The following MATN1 variants were observed in gnomAD, a reference collection of about 807,000 sequenced individuals.
MATN1 encodes matrilin-1.
MATN1 carries 34 observed loss-of-function variants against 41.3 expected under a neutral mutation model. That is an observed-to-expected ratio of 0.82 (90% confidence interval 0.63 to 1.10). The LOEUF (loss-of-function observed/expected upper bound fraction) is 1.10. MATN1 is among the 50% of genes least tolerant of loss of function. MATN1 has a pLI of 0.00. For synonymous variants in MATN1, 264 were observed against 278.7 expected (o/e 0.95, Z 0.53); for missense variants, 602 against 662.4 (o/e 0.91, Z 1.00).
Position 30,715,217 on chromosome 1 carries a change from T to C in MATN1, c.1300A>G (p.Thr434Ala), listed in dbSNP as rs746735003. ...SEPVAEHYFY[T>A]ADFKTINQIG... ...TGGTTGATGGTCTTGAAGTCAGCCG[T>C]GTAGAAGTAGTGCTCTGCCACAGGC... The change falls in exon 6 of 8, where the codon ACG (threonine) becomes GCG (alanine). Residue 434 changes from threonine (T) to alanine (A), a missense_variant. By Grantham distance (58) the Thr-to-Ala change is moderately conservative (BLOSUM62 0). Transcript: ENST00000373765. The C allele has an allele frequency of 4.3e-6, 7 of 1,614,082 alleles. No individual in the cohort carries two copies. In the Admixed American group the frequency reaches 1.2e-4, roughly 27 times the overall value.
intron 2 of MATN1, chr1:30,720,455 C>G (rs914147498): frequency 1.3e-5 from 2 of 152,266 alleles, no homozygotes; most frequent in African/African-American, 4.8e-5. Flanking sequence ...GCTGTTGTCT[C>G]TGTGAATGCT....
chr1:30,715,009 G>A, intron 6 of MATN1, 148 bp downstream of exon 6: 1 of 845,698 alleles, frequency 1.2e-6, no homozygotes, highest in Admixed American at 2.5e-5. Context: ...AGTAAGAGCT[G>A]TAAGCGCCAG....
intron 4 of MATN1, among the ~76,000 whole-genome samples, 194 bp downstream of exon 4, chr1:30,716,596 C>T (rs557632066): frequency 1.2e-4 from 19 of 152,256 alleles, no homozygotes; most frequent in African/African-American, 4.3e-4. Context: ...CTAAACCCAC[C>T]GCCCATTGTG....
In MATN1 at chr1:30,716,383, T is replaced by C. The variant is rs998974174; in HGVS notation, c.791-58A>G. The C allele has an allele frequency of 5.9e-6, 9 of 1,537,536 alleles. No homozygotes were observed. The South Asian group carries it at 9.7e-5, about 16-fold the overall frequency. On this transcript the variant is annotated intron_variant, in intron 4 of 7. Coordinates refer to ENST00000373765, the MANE Select transcript of MATN1 (RefSeq NM_002379.3). ...TGAAGGACATAGTCAACCATCCTGC[T>C]CCCCGGCTGGACACCCACCACACAC...
intron 2 of MATN1, 53 bp from the exon 3 acceptor site, chr1:30,719,010 T>G (rs1639663421): frequency 1.5e-6 from 2 of 1,316,010 alleles, no homozygotes; most frequent in Non-Finnish European, 2.0e-6. Context: ...CACGGGACTG[T>G]CCAGGAGAGG....
At position 30,711,413 on chromosome 1, in the gene MATN1, C is replaced by T. The variant is rs889426421; in HGVS notation, c.*2169G>A. The T allele has an allele frequency of 6.6e-6, 1 of 152,114 alleles. No homozygotes were observed. Among genetic ancestry groups the T allele is most frequent in the Non-Finnish European group, 1.5e-5 (1 of 68,004 alleles). The allele number at this position is 152,114 out of a possible 1,614,324, so 9.4% of individuals were successfully genotyped here. A position where few individuals can be genotyped will look rare whatever the true frequency, so the allele number is the denominator to read the frequency against. On this transcript the variant is annotated 3_prime_UTR_variant, in exon 8 of 8. Coordinates refer to ENST00000373765, the MANE Select transcript of MATN1 (RefSeq NM_002379.3). ...CATTTACAACCTTCTGTTAATCAAA[C>T]CTAGAGCAGAGAGGGATGTGGGAAG...
In MATN1 at chr1:30,712,917, A is replaced by G. The variant is rs1373022508; in HGVS notation, c.*665T>C. ...CATCATTTAGACTCTCAGCTTTCCC[A>G]TTTGTAATGGGGATAATTTGAGTCT... On this transcript the variant is annotated 3_prime_UTR_variant, in exon 8 of 8. Coordinates refer to ENST00000373765, the MANE Select transcript of MATN1 (RefSeq NM_002379.3). The G allele has an allele frequency of 6.6e-6, 1 of 152,274 alleles. No individual in the cohort carries two copies. Among genetic ancestry groups the G allele is most frequent in the African/African-American group, 2.4e-5 (1 of 41,416 alleles). 9.4% of individuals were successfully genotyped at this position (152,274 alleles called of 1,614,324 possible). A position where few individuals can be genotyped will look rare whatever the true frequency, so the allele number is the denominator to read the frequency against.
At chr1:30,715,853 C>T (rs184774020) in intron 5 of MATN1, 56 bp downstream of exon 5, 2 of 1,548,470 alleles carry the variant, frequency 1.3e-6, no homozygotes, top group Admixed American at 1.8e-5. Flanking sequence ...TTGGGCTATA[C>T]CCGTGTGTAC....
intron 3 of MATN1, among the ~76,000 whole-genome samples, chr1:30,717,654 G>T (rs7551865): frequency 0.41 from 33,102 of 79,940 alleles, 8,131 homozygotes; most frequent in African/African-American, 0.74. Context: ...TTTTTTTTTT[G>T]TTTTGTTTTT....
At chr1:30,713,942 A>G (rs1639585732) in intron 7 of MATN1, 3 of 578,000 alleles carry the variant, frequency 5.2e-6, no homozygotes, top group Admixed American at 3.0e-5. Flanking sequence ...GCACGTCACC[A>G]TGAGCCTGAG....
rs1639541015 is a variant in MATN1, at chr1:30,711,320, A to G, written c.*2262T>C. 1 of 152,244 alleles carries G rather than the reference A, an allele frequency of 6.6e-6. No homozygotes were observed. Among genetic ancestry groups the G allele is most frequent in the South Asian group, 2.1e-4 (1 of 4,834 alleles). 9.4% of individuals were successfully genotyped at this position (152,244 alleles called of 1,614,324 possible). ...TTTATACAAAATTCAAAAAAACAAA[A>G]TTACAGGTTACAAAGTAACTTGCCA... On this transcript the variant is annotated 3_prime_UTR_variant, in exon 8 of 8. Coordinates refer to ENST00000373765, the MANE Select transcript of MATN1 (RefSeq NM_002379.3).
rs1639572859 is a variant in MATN1, at chr1:30,713,046, A to C, written c.*536T>G. 6.4e-6 allele frequency: 1 copy of C among 155,342 alleles called. No individual in the cohort carries two copies. Among genetic ancestry groups the C allele is most frequent in the South Asian group, 2.0e-4 (1 of 5,090 alleles). The allele number at this position is 155,342 out of a possible 1,614,324, so 9.6% of individuals were successfully genotyped here. A position where few individuals can be genotyped will look rare whatever the true frequency, so the allele number is the denominator to read the frequency against. On this transcript the variant is annotated 3_prime_UTR_variant, in exon 8 of 8. Transcript: ENST00000373765. ...TGGTTTTGGTGTGGTCACTGTCATC[A>C]CTGTCACCACCACTGTTACCATCCT...
rs545090217 is a variant in MATN1 at position 30,715,851 on chromosome 1, T to C, written c.1207+58A>G. ...ACCAAGATAAACTACAGTTGGGCTA[T>C]ACCCGTGTGTACCCCTGGCCATCAG... On this transcript the variant is annotated intron_variant, in intron 5 of 7. Transcript: ENST00000373765. 2.5e-5 allele frequency: 38 copies of C among 1,540,440 alleles called. No homozygotes were observed. In the South Asian group the frequency reaches 4.5e-4, roughly 18 times the overall value.
chr1:30,713,311 C>T lies in MATN1; in HGVS notation c.*271G>A. 2 of 493,270 alleles carry T rather than the reference C, an allele frequency of 4.1e-6. No homozygotes were observed. Among genetic ancestry groups the T allele is most frequent in the East Asian group, 3.0e-5 (1 of 32,938 alleles). The allele number at this position is 493,270 out of a possible 1,614,324, so 30.6% of individuals were successfully genotyped here. A position where few individuals can be genotyped will look rare whatever the true frequency, so the allele number is the denominator to read the frequency against. On this transcript the variant is annotated 3_prime_UTR_variant, in exon 8 of 8. Coordinates refer to ENST00000373765, the MANE Select transcript of MATN1 (RefSeq NM_002379.3). ...ATGCAAACGCAGTCCCTCTCACACTCACCCCTGCATTATCACTCTCACACT... is the reference window on the plus strand; with the variant it reads ...ATGCAAACGCAGTCCCTCTCACACTTACCCCTGCATTATCACTCTCACACT...
At chr1:30,713,783 C>G (rs1329416727) in intron 7 of MATN1, 152 bp from the exon 8 acceptor site, 10 of 680,096 alleles carry the variant, frequency 1.5e-5, no homozygotes, top group Non-Finnish European at 2.7e-5. Context: ...ATGGTGCTTT[C>G]CAAAAAACAC....
Position 30,713,482 on chromosome 1 carries a change from A to G in MATN1, c.*100T>C. 2 of 1,220,084 alleles carry G rather than the reference A, an allele frequency of 1.6e-6. No individual in the cohort carries two copies. The highest frequency in any genetic ancestry group is 1.3e-5 in the South Asian group (1 of 76,072). The allele number at this position is 1,220,084 out of a possible 1,614,324, so 75.6% of individuals were successfully genotyped here. ...GCTCTCAATAGGCACACCCAGACAC[A>G]CCCCCTCCCACCCCCGGGCTGGCTT... is the stretch of plus-strand genomic sequence containing the variant. On this transcript the variant is annotated 3_prime_UTR_variant, in exon 8 of 8. Coordinates refer to ENST00000373765, the MANE Select transcript of MATN1 (RefSeq NM_002379.3).
intron 3 of MATN1, 116 bp downstream of exon 3, chr1:30,718,591 CCCCCCCCCGGCCCCGCCCCTGCCCTGCG>C (rs1639654578): frequency 1.5e-5 from 2 of 130,134 alleles, no homozygotes; most frequent in Admixed American, 1.1e-4. Context: ...CCGCCTCTGC[CCCCCCCCCGGCCCCGCCCCTGCCCTGCG>C]CCGGCGCTGG....
Position 30,712,182 on chromosome 1 carries a change from A to G in MATN1, c.*1400T>C, listed in dbSNP as rs529999758. 7.9e-5 allele frequency: 12 copies of G among 152,314 alleles called. No homozygotes were observed. The highest frequency in any genetic ancestry group is 2.9e-4 in the African/African-American group (12 of 41,558). 9.4% of individuals were successfully genotyped at this position (152,314 alleles called of 1,614,324 possible). A position where few individuals can be genotyped will look rare whatever the true frequency, so the allele number is the denominator to read the frequency against. ...AACACTAAAAATGCTCCATTAAACAAGAATAGGTTCAGAAAATCACCAAAG... is the reference window on the plus strand; with the variant it reads ...AACACTAAAAATGCTCCATTAAACAGGAATAGGTTCAGAAAATCACCAAAG... On this transcript the variant is annotated 3_prime_UTR_variant, in exon 8 of 8. Coordinates refer to ENST00000373765, the MANE Select transcript of MATN1 (RefSeq NM_002379.3).
In MATN1 at chr1:30,713,010, C is replaced by A. The variant is rs912678859; in HGVS notation, c.*572G>T. The A allele has an allele frequency of 1.3e-5, 2 of 153,182 alleles. No individual in the cohort carries two copies. The highest frequency in any genetic ancestry group is 4.8e-5 in the African/African-American group (2 of 41,428). 9.5% of individuals were successfully genotyped at this position (153,182 alleles called of 1,614,324 possible). A position where few individuals can be genotyped will look rare whatever the true frequency, so the allele number is the denominator to read the frequency against. ...TGAATATGTAACTGAAAAGGCAGGA[C>A]AAACACCAGCTGGTTTTGGTGTGGT... On this transcript the variant is annotated 3_prime_UTR_variant, in exon 8 of 8. Transcript: ENST00000373765.
Sources: allele counts gnomAD v4.1 joint callset (sites outside exome capture counted in the v4.1 genomes callset), GRCh38; gene constraint gnomAD v4.1.1; transcripts MANE v1.5; gene names NCBI Gene and HGNC (gene_info 2026-07-23, HGNC 2026-07-21).